SMIM10L3: variants seen among roughly 807,000 people sequenced by gnomAD.
SMIM10L3 encodes salivary gland specific protein SAGSIN1.
chr7:6,345,485 A>G, the SMIM10L3 span, among the ~76,000 whole-genome samples: 1 of 152,154 alleles, frequency 6.6e-6, no homozygotes, highest in Admixed American at 6.6e-5. Context: ...ACAATAGTCC[A>G]GGCGAGTGGA....
At chr7:6,331,583 A>G in the SMIM10L3 span, among the ~76,000 whole-genome samples, 2 of 151,984 alleles carry the variant, frequency 1.3e-5, no homozygotes, top group Non-Finnish European at 2.9e-5. Context: ...GGTTTCACCA[A>G]GTTAGCTGGG....
the SMIM10L3 span, among the ~76,000 whole-genome samples, chr7:6,346,570 A>G: frequency 6.6e-5 from 10 of 152,224 alleles, no homozygotes; most frequent in Admixed American, 4.6e-4. Context: ...TAGTAGAGAC[A>G]GGGTTTCACC....
chr7:6,336,940 C>G, the SMIM10L3 span, among the ~76,000 whole-genome samples: 1 of 152,154 alleles, frequency 6.6e-6, no homozygotes, highest in Non-Finnish European at 1.5e-5. Flanking sequence ...AGGCGTGAGC[C>G]ACCATGGCTG....
At chr7:6,338,293 T>G in the SMIM10L3 span, among the ~76,000 whole-genome samples, 1 of 152,162 alleles carries the variant, frequency 6.6e-6, no homozygotes, top group African/African-American at 2.4e-5. Context: ...TAGAGATATA[T>G]TGTACCAGAT....
At chr7:6,348,868 A>G in the SMIM10L3 span, 1 of 386,086 alleles carries the variant, frequency 2.6e-6, no homozygotes, top group African/African-American at 2.1e-5. Flanking sequence ...CGGCGGCTAG[A>G]CCGGCGGGCG....
At chr7:6,348,948 C>CAAG in the SMIM10L3 span, 1 of 379,874 alleles carries the variant, frequency 2.6e-6, no homozygotes, top group Non-Finnish European at 4.7e-6. Flanking sequence ...GCCGCCTGTA[C>CAAG]CAGCCTGGCC....
the SMIM10L3 span, among the ~76,000 whole-genome samples, chr7:6,339,162 T>C: frequency 6.6e-6 from 1 of 152,134 alleles, no homozygotes; most frequent in East Asian, 1.9e-4. Context: ...ACTCGCCACT[T>C]GGCACGTCTA....
At chr7:6,330,431 G>C in the SMIM10L3 span, 25 of 1,614,060 alleles carry the variant, frequency 1.5e-5, no homozygotes, top group Non-Finnish European at 2.0e-5. Flanking sequence ...AGTAACCCCA[G>C]TGTTATCTGC....
At chr7:6,329,727 C>T in the SMIM10L3 span, 2 of 166,244 alleles carry the variant, frequency 1.2e-5, no homozygotes, top group Non-Finnish European at 2.9e-5. Flanking sequence ...AACTGAGCTA[C>T]TTTTTTCTCG....
chr7:6,348,174 T>A, the SMIM10L3 span, among the ~76,000 whole-genome samples: 2 of 147,984 alleles, frequency 1.4e-5, no homozygotes, highest in Middle Eastern at 3.4e-3. Flanking sequence ...CCTCCCAAAG[T>A]GCATTACAGG....
chr7:6,330,823 G>C, the SMIM10L3 span: 2 of 1,614,200 alleles, frequency 1.2e-6, no homozygotes, highest in South Asian at 2.2e-5. Flanking sequence ...AAAACACTCT[G>C]TTGGAGCAGG....
the SMIM10L3 span, among the ~76,000 whole-genome samples, chr7:6,332,215 G>A: frequency 6.6e-6 from 1 of 151,920 alleles, no homozygotes; most frequent in Non-Finnish European, 1.5e-5. Context: ...AATTTTATAG[G>A]GACCAGCACC....
At chr7:6,345,406 C>A in the SMIM10L3 span, among the ~76,000 whole-genome samples, 1 of 152,148 alleles carries the variant, frequency 6.6e-6, no homozygotes, top group African/African-American at 2.4e-5. Flanking sequence ...TGAGCCACCA[C>A]ACCCAGCCCT....
At chr7:6,339,746 C>T in the SMIM10L3 span, among the ~76,000 whole-genome samples, 4,594 of 152,184 alleles carry the variant, frequency 0.03, 215 homozygotes, top group African/African-American at 0.1. Flanking sequence ...GCTGGGATTA[C>T]AGGCAAGAGC....
the SMIM10L3 span, among the ~76,000 whole-genome samples, chr7:6,336,642 C>G: frequency 3.3e-5 from 5 of 151,454 alleles, no homozygotes; most frequent in Non-Finnish European, 5.9e-5. Flanking sequence ...CAAGATGGCA[C>G]CACTGTACTC....
chr7:6,332,107 C>T, the SMIM10L3 span, among the ~76,000 whole-genome samples: 1 of 122,422 alleles, frequency 8.2e-6, no homozygotes, highest in East Asian at 2.5e-4. Context: ...TAGACTCCAT[C>T]TCACGGAAAA....
chr7:6,333,878 CTTT>C, the SMIM10L3 span, among the ~76,000 whole-genome samples: 36 of 105,466 alleles, frequency 3.4e-4, no homozygotes, highest in East Asian at 8.4e-3. Flanking sequence ...GAGTCTTGCT[CTTT>C]TTTTGCCCAG....
the SMIM10L3 span, among the ~76,000 whole-genome samples, chr7:6,340,300 G>A: frequency 6.6e-6 from 1 of 152,316 alleles, no homozygotes; most frequent in Admixed American, 6.5e-5. Flanking sequence ...AGAATCAACA[G>A]CAGCTACTAT....
At chr7:6,345,303 T>G in the SMIM10L3 span, among the ~76,000 whole-genome samples, 1 of 151,162 alleles carries the variant, frequency 6.6e-6, no homozygotes, top group African/African-American at 2.4e-5. Context: ...TTGTACAGAC[T>G]GGGGTCTTGC....
Sources: allele counts gnomAD v4.1 joint callset (sites outside exome capture counted in the v4.1 genomes callset), GRCh38; gene constraint gnomAD v4.1.1; transcripts MANE v1.5; gene names NCBI Gene and HGNC (gene_info 2026-07-23, HGNC 2026-07-21).